The following SYT14 variants were observed in gnomAD, a reference collection of about 807,000 sequenced individuals.
SYT14 encodes the protein synaptotagmin 14.
SYT14 carries 32 observed loss-of-function variants against 74.2 expected under a neutral mutation model. That is an observed-to-expected ratio of 0.43 (90% CI 0.33 to 0.58). SYT14 has a LOEUF of 0.58. SYT14 is among the 20% of genes least tolerant of loss of function. The pLI, the probability that SYT14 is intolerant of heterozygous loss-of-function variation, is 0.05. For synonymous variants in SYT14, 298 were observed against 337.7 expected (o/e 0.88, Z 1.29); for missense variants, 791 against 981.8 (o/e 0.81, Z 2.60).
At chr1:210,101,911 A>G (rs2082074374) in intron 7 of SYT14, among the ~76,000 whole-genome samples, 1 of 151,672 alleles carries the variant, frequency 6.6e-6, no homozygotes, top group Non-Finnish European at 1.5e-5. Context: ...CATTCATTTC[A>G]CAAAGAGAAT....
chr1:210,033,448 G>A (rs182461429), intron 5 of SYT14, among the ~76,000 whole-genome samples: 1 of 151,794 alleles, frequency 6.6e-6, no homozygotes, highest in East Asian at 1.9e-4. Flanking sequence ...CTCTTTTTGA[G>A]ATTTCCTACC....
intron 5 of SYT14, among the ~76,000 whole-genome samples, chr1:210,056,802 A>C (rs2081106968): frequency 6.6e-6 from 1 of 150,702 alleles, no homozygotes; most frequent in African/African-American, 2.4e-5. Flanking sequence ...CAACAACAAC[A>C]AAAGTTTTTT....
intron 5 of SYT14, among the ~76,000 whole-genome samples, chr1:210,092,958 T>G (rs1572285343): frequency 6.6e-6 from 1 of 152,226 alleles, no homozygotes; most frequent in Admixed American, 6.5e-5. Context: ...TTAGGTTATA[T>G]GTAAATACTA....
chr1:209,954,708 CTT>C (rs775517244), intron 2 of SYT14, among the ~76,000 whole-genome samples: 4 of 143,058 alleles, frequency 2.8e-5, no homozygotes, highest in Admixed American at 7.0e-5. Flanking sequence ...TTCTTTCTCT[CTT>C]TTTTTTTTTT....
intron 4 of SYT14, among the ~76,000 whole-genome samples, chr1:210,018,688 T>C (rs2102942218): frequency 6.6e-6 from 1 of 152,322 alleles, no homozygotes; most frequent in South Asian, 2.1e-4. Flanking sequence ...ATTTCTAACA[T>C]ATTCCACAAT....
chr1:210,156,279 T>G (rs1457046540), intron 8 of SYT14, among the ~76,000 whole-genome samples: 1 of 152,226 alleles, frequency 6.6e-6, no homozygotes, highest in Non-Finnish European at 1.5e-5. Flanking sequence ...GTGTTTTGTA[T>G]CTGCATGCAG....
chr1:210,112,681 C>G (rs1279687737), intron 7 of SYT14, among the ~76,000 whole-genome samples: 1 of 151,270 alleles, frequency 6.6e-6, no homozygotes, highest in Admixed American at 6.6e-5. Flanking sequence ...ATGGCCCTTG[C>G]AGTGAATGAC....
At chr1:210,168,170 C>A (rs550766384) in exon 10 of SYT14, 6 of 152,464 alleles carry the variant, frequency 3.9e-5, no homozygotes, top group African/African-American at 1.4e-4. Context: ...ACTGATTATT[C>A]GTCTAACAAA....
At chr1:210,128,266 A>G (rs2082607965) in intron 7 of SYT14, among the ~76,000 whole-genome samples, 1 of 151,962 alleles carries the variant, frequency 6.6e-6, no homozygotes, top group Non-Finnish European at 1.5e-5. Flanking sequence ...GGTCCCAGCT[A>G]CTTGGGAGGC....
At chr1:210,040,027 C>A (rs2080753210) in intron 5 of SYT14, among the ~76,000 whole-genome samples, 1 of 152,064 alleles carries the variant, frequency 6.6e-6, no homozygotes, top group Non-Finnish European at 1.5e-5. Context: ...AATCCCATTC[C>A]CAAAGGATTA....
At chr1:210,074,361 A>G (rs1473860331) in intron 5 of SYT14, among the ~76,000 whole-genome samples, 2 of 152,192 alleles carry the variant, frequency 1.3e-5, no homozygotes, top group Non-Finnish European at 2.9e-5. Flanking sequence ...TAGCTAGTGA[A>G]TGGAAGAGGT....
chr1:210,117,298 G>C (rs2082380283), intron 7 of SYT14, among the ~76,000 whole-genome samples: 2 of 151,952 alleles, frequency 1.3e-5, no homozygotes. Context: ...CTATAATTCA[G>C]ATGTGTGTCC....
chr1:210,120,985 T>C lies in SYT14; in HGVS notation c.2034+20524T>C, dbSNP rs115852426. Among the ~76,000 whole-genome samples, 789 of 152,242 alleles carry C rather than the reference T, an allele frequency of 5.2e-3. 8 individuals carry two copies. The highest frequency in any genetic ancestry group is 0.015 in the African/African-American group (630 of 41,516). On this transcript the variant is annotated intron_variant, in intron 7 of 9. Transcript: ENST00000637265. ...AAGTTGTTAGATATTCAAGACCAAGTTTATGTTTGCATTTGAGGGTTGGTA... is the reference window on the plus strand; with the variant it reads ...AAGTTGTTAGATATTCAAGACCAAGCTTATGTTTGCATTTGAGGGTTGGTA...
chr1:210,169,354 A>G (rs192192969), exon 10 of SYT14: 2 of 147,422 alleles, frequency 1.4e-5, no homozygotes, highest in Admixed American at 7.0e-5. Context: ...GTATTCTGTA[A>G]TTATGTGACA....
intron 2 of SYT14, among the ~76,000 whole-genome samples, chr1:209,979,106 C>T (rs977164035): frequency 1.3e-5 from 2 of 152,160 alleles, no homozygotes; most frequent in Admixed American, 1.3e-4. Context: ...CGTCTGTCAC[C>T]CCTTTCTTTG....
chr1:209,986,588 G>C (rs1230918158), intron 2 of SYT14, among the ~76,000 whole-genome samples: 2 of 151,868 alleles, frequency 1.3e-5, no homozygotes, highest in African/African-American at 4.8e-5. Flanking sequence ...ACTCCAGCCT[G>C]GGTGATAGCA....
intron 7 of SYT14, among the ~76,000 whole-genome samples, chr1:210,130,335 T>G (rs538737302): frequency 6.6e-6 from 1 of 152,324 alleles, no homozygotes; most frequent in South Asian, 2.1e-4. Flanking sequence ...CATTTTAAGA[T>G]GGATTAAAGT....
At chr1:209,948,083 G>T (rs149569897) in intron 1 of SYT14, among the ~76,000 whole-genome samples, 1 of 152,080 alleles carries the variant, frequency 6.6e-6, no homozygotes, top group Non-Finnish European at 1.5e-5. Flanking sequence ...GTATGCACTG[G>T]GAATCCAAAA....
chr1:209,976,487 G>T (rs1572097059), intron 2 of SYT14, among the ~76,000 whole-genome samples: 1 of 152,176 alleles, frequency 6.6e-6, no homozygotes, highest in East Asian at 1.9e-4. Flanking sequence ...GGAGCAGGTT[G>T]TTCAGTTTCC....
Sources: allele counts gnomAD v4.1 joint callset (sites outside exome capture counted in the v4.1 genomes callset), GRCh38; gene constraint gnomAD v4.1.1; transcripts MANE v1.5; gene names NCBI Gene and HGNC (gene_info 2026-07-23, HGNC 2026-07-21).